Variants in RAB38 observed in about 807,000 individuals in gnomAD.
RAB38 encodes the protein ras-related protein Rab-38.
In RAB38, 15 loss-of-function variants were observed where a neutral mutation model predicts 18.4. That is an observed-to-expected ratio of 0.82 (90% CI 0.55 to 1.26). The LOEUF is 1.26. Among genes scored for constraint, RAB38 ranks in the 50% most tolerant of loss-of-function variants. RAB38 has a pLI of 0.00. For synonymous variants in RAB38, 101 were observed against 104.4 expected, an observed-to-expected ratio of 0.97 and a Z score of 0.20; for missense variants, 294 against 267.4, an observed-to-expected ratio of 1.10 and a Z score of -0.69.
the RAB38 span, among the ~76,000 whole-genome samples, chr11:88,079,751 AATCT>A: frequency 6.6e-6 from 1 of 151,828 alleles, no homozygotes; most frequent in Non-Finnish European, 1.5e-5. Context: ...TGTGCAAATC[AATCT>A]AAGTAATTCA....
chr11:87,972,854 G>A, the RAB38 span, among the ~76,000 whole-genome samples: 1 of 152,012 alleles, frequency 6.6e-6, no homozygotes, highest in African/African-American at 2.4e-5. Flanking sequence ...CCCAGTGTTG[G>A]AGGATGGGCC....
intron 2 of RAB38, among the ~76,000 whole-genome samples, chr11:88,130,219 G>A (rs1942749983): frequency 6.6e-6 from 1 of 152,062 alleles, no homozygotes; most frequent in Non-Finnish European, 1.5e-5. Flanking sequence ...AGAAGAAAAA[G>A]GAAACCCATC....
the RAB38 span, among the ~76,000 whole-genome samples, chr11:88,106,189 A>G: frequency 1.4e-5 from 2 of 146,394 alleles, no homozygotes; most frequent in Admixed American, 1.3e-4. Flanking sequence ...TCACAGAGAG[A>G]AAAAAAAGAA....
chr11:87,930,532 G>A, the RAB38 span, among the ~76,000 whole-genome samples: 2 of 152,126 alleles, frequency 1.3e-5, no homozygotes, highest in East Asian at 3.9e-4. Context: ...TCACTCTGAT[G>A]GTACTTTCTT....
the RAB38 span, among the ~76,000 whole-genome samples, chr11:88,071,547 A>C: frequency 2.6e-5 from 4 of 152,146 alleles, no homozygotes; most frequent in Non-Finnish European, 5.9e-5. Flanking sequence ...CCACAAATTA[A>C]AGGCAATGTT....
the RAB38 span, among the ~76,000 whole-genome samples, chr11:87,932,061 G>C: frequency 1.3e-5 from 2 of 151,852 alleles, no homozygotes. Flanking sequence ...AGGTCCCTAG[G>C]TTTGAACACC....
the RAB38 span, among the ~76,000 whole-genome samples, chr11:87,842,147 GAGGCTGCTTAGAA>G: frequency 3.3e-5 from 5 of 152,108 alleles, no homozygotes; most frequent in Non-Finnish European, 7.4e-5. Flanking sequence ...ACATGTCAGA[GAGGCTGCTTAGAA>G]AAAGAAAAGG....
the RAB38 span, among the ~76,000 whole-genome samples, chr11:88,043,007 T>C: frequency 3.4e-4 from 51 of 151,280 alleles, no homozygotes; most frequent in African/African-American, 1.2e-3. Context: ...AAAAGCTCTC[T>C]CACCACACAC....
chr11:87,901,894 T>C, the RAB38 span, among the ~76,000 whole-genome samples: 2 of 150,008 alleles, frequency 1.3e-5, no homozygotes, highest in African/African-American at 4.9e-5. Context: ...AATTATTTGC[T>C]ACATTGAATT....
the RAB38 span, among the ~76,000 whole-genome samples, chr11:87,931,925 G>C: frequency 1.3e-5 from 2 of 151,352 alleles, no homozygotes; most frequent in South Asian, 4.2e-4. Context: ...AGGATATTTG[G>C]ACAATGCACA....
At chr11:87,962,181 G>A in the RAB38 span, among the ~76,000 whole-genome samples, 5 of 151,946 alleles carry the variant, frequency 3.3e-5, no homozygotes, top group East Asian at 1.9e-4. Context: ...GCCCTTTTCC[G>A]AAAGAAGGCA....
At chr11:88,044,624 A>T in the RAB38 span, among the ~76,000 whole-genome samples, 1 of 152,256 alleles carries the variant, frequency 6.6e-6, no homozygotes, top group South Asian at 2.1e-4. Flanking sequence ...TTGCCGTAAA[A>T]TGGGCAAACG....
At chr11:87,924,054 A>T in the RAB38 span, among the ~76,000 whole-genome samples, 15 of 151,596 alleles carry the variant, frequency 9.9e-5, no homozygotes, top group East Asian at 2.3e-3. Flanking sequence ...CACACACAAC[A>T]TTTTAAATAA....
the RAB38 span, among the ~76,000 whole-genome samples, chr11:87,973,200 CTAAA>C: frequency 1.6e-4 from 24 of 151,906 alleles, no homozygotes; most frequent in East Asian, 4.3e-3. Context: ...TAGGGAGGAG[CTAAA>C]TAAACAAGCA....
the RAB38 span, among the ~76,000 whole-genome samples, chr11:87,937,211 G>A: frequency 2.0e-5 from 3 of 150,332 alleles, no homozygotes; most frequent in Non-Finnish European, 4.4e-5. Flanking sequence ...GATGTGATCA[G>A]GTAACTGCTC....
Position 88,152,374 on chromosome 11 carries a change from C to T in RAB38, c.203-2419G>A, listed in dbSNP as rs35612340. ...AGTTATTTTAAGACCATACAAAAAG[C>T]AATACATAGGCTATAACTTCATAGA... On this transcript the variant is annotated intron_variant, in intron 1 of 2. Transcript: ENST00000243662. 9.2e-3 allele frequency among the ~76,000 whole-genome samples: 1,402 copies of T among 152,030 alleles called. 9 individuals are homozygous for T. The highest frequency in any genetic ancestry group is 0.029 in the South Asian group (140 of 4,804).
chr11:87,977,983 ATATCT>A, the RAB38 span, among the ~76,000 whole-genome samples: 1 of 107,064 alleles, frequency 9.3e-6, no homozygotes, highest in South Asian at 2.9e-4. Context: ...ATATAAATAC[ATATCT>A]TATAAACTAT....
At chr11:87,886,037 A>C in the RAB38 span, among the ~76,000 whole-genome samples, 7 of 151,858 alleles carry the variant, frequency 4.6e-5, no homozygotes, top group South Asian at 2.1e-4. Context: ...CACTCCCATT[A>C]TCTCAAGTAG....
the RAB38 span, among the ~76,000 whole-genome samples, chr11:87,961,088 A>C: frequency 1.3e-5 from 2 of 152,108 alleles, no homozygotes; most frequent in African/African-American, 2.4e-5. Context: ...ATTAGAATAA[A>C]ATAAAATTTT....
Sources: allele counts gnomAD v4.1 joint callset (sites outside exome capture counted in the v4.1 genomes callset), GRCh38; gene constraint gnomAD v4.1.1; transcripts MANE v1.5; gene names NCBI Gene and HGNC (gene_info 2026-07-23, HGNC 2026-07-21).